The following NEK7 variants were observed in gnomAD, a reference collection of about 807,000 sequenced individuals.
The protein encoded by NEK7 is serine/threonine-protein kinase Nek7.
A neutral mutation model predicts 44.6 loss-of-function variants in NEK7; 18 were observed. The ratio of observed to expected loss-of-function variants is 0.40; its 90% CI spans 0.28 to 0.60. The LOEUF is 0.60. Ranked by LOEUF, NEK7 falls within the 20% of genes least tolerant of loss-of-function variation. The pLI, the probability that NEK7 is intolerant of heterozygous loss-of-function variation, is 0.38. For synonymous variants in NEK7, 130 were observed against 121.1 expected (o/e 1.07, Z -0.48); for missense variants, 256 against 366.5 (o/e 0.70, Z 2.46).
At chr1:198,205,121 A>G (rs1041516129) in intron 1 of NEK7, among the ~76,000 whole-genome samples, 4 of 152,030 alleles carry the variant, frequency 2.6e-5, no homozygotes, top group Non-Finnish European at 5.9e-5. Context: ...TTTTGTTTGG[A>G]TCCAATTTAT....
intron 1 of NEK7, among the ~76,000 whole-genome samples, chr1:198,215,088 T>C (rs558587658): frequency 5.3e-5 from 8 of 152,120 alleles, no homozygotes; most frequent in Non-Finnish European, 1.2e-4. Context: ...CTAGTTTTTA[T>C]AAATGAAGGA....
chr1:198,246,141 A>G lies in NEK7; in HGVS notation c.58-6899A>G, dbSNP rs139879191. Among the ~76,000 whole-genome samples the G allele has an allele frequency of 1.1e-4, 17 of 152,342 alleles. No individual in the cohort carries two copies. In the East Asian group the frequency reaches 3.3e-3, roughly 29 times the overall value. ...TATGGCATTGAAAACAATATACTAT[A>G]ATCGCTACCGAAGTATATAGATATA... On this transcript the variant is annotated intron_variant, in intron 2 of 9. Coordinates refer to ENST00000367385, the MANE Select transcript of NEK7 (RefSeq NM_133494.3).
intron 1 of NEK7, among the ~76,000 whole-genome samples, chr1:198,171,511 T>A (rs1664439234): frequency 6.6e-6 from 1 of 151,946 alleles, no homozygotes; most frequent in Non-Finnish European, 1.5e-5. Flanking sequence ...AAACCCCATC[T>A]CTACTAAAAA....
chr1:198,235,063 G>T (rs956415280), intron 2 of NEK7, among the ~76,000 whole-genome samples: 1 of 152,098 alleles, frequency 6.6e-6, no homozygotes, highest in Non-Finnish European at 1.5e-5. Flanking sequence ...GGATGATATG[G>T]CAACATCTGG....
intron 1 of NEK7, among the ~76,000 whole-genome samples, chr1:198,223,107 A>G (rs556009381): frequency 6.6e-6 from 1 of 151,590 alleles, no homozygotes; most frequent in South Asian, 2.1e-4. Context: ...GCAGGAGATT[A>G]CTTACAGAAT....
chr1:198,224,962 A>T (rs1234197861), intron 1 of NEK7, among the ~76,000 whole-genome samples: 1 of 152,096 alleles, frequency 6.6e-6, no homozygotes, highest in African/African-American at 2.4e-5. Flanking sequence ...GGACAGTTGG[A>T]TGTAGGCGTT....
intron 1 of NEK7, 49 bp from the exon 2 acceptor site, chr1:198,232,504 G>A (rs1666425980): frequency 1.2e-6 from 1 of 843,844 alleles, no homozygotes; most frequent in Non-Finnish European, 2.0e-6. Context: ...TGAATGATGT[G>A]AATTGGTAAT....
intron 1 of NEK7, among the ~76,000 whole-genome samples, chr1:198,213,515 C>G (rs926969638): frequency 6.6e-6 from 1 of 152,156 alleles, no homozygotes; most frequent in Admixed American, 6.5e-5. Flanking sequence ...TGGAACACTT[C>G]AGGGTTACTC....
chr1:198,211,869 A>C (rs771379809), intron 1 of NEK7, among the ~76,000 whole-genome samples: 1 of 152,216 alleles, frequency 6.6e-6, no homozygotes, highest in Non-Finnish European at 1.5e-5. Flanking sequence ...AGACCTTTTG[A>C]AAGACGCAGT....
chr1:198,232,607 A>G lies in NEK7; in HGVS notation c.27A>G (p.Gln9=), dbSNP rs1484430562. ...TGGATGAGCAATCACAAGGAATGCA[A>G]GGGCCACCTGTTCCTCAGTTCCAAC... MDEQSQGM[Q]GPPVPQFQPQ... is the part of the protein sequence containing the mutation. The change falls in exon 2 of 10, where the codon CAA becomes CAG. Residue 9 remains glutamine (Q), a synonymous_variant. Transcript: ENST00000367385. The G allele has an allele frequency of 6.2e-7, 1 of 1,606,936 alleles. No homozygotes were observed.
intron 2 of NEK7, among the ~76,000 whole-genome samples, chr1:198,235,040 G>A (rs1202798286): frequency 6.6e-6 from 1 of 152,096 alleles, no homozygotes; most frequent in Non-Finnish European, 1.5e-5. Context: ...CACACCACTG[G>A]CCTGAATAAT....
chr1:198,213,951 A>C (rs1665849527), intron 1 of NEK7, among the ~76,000 whole-genome samples: 1 of 152,170 alleles, frequency 6.6e-6, no homozygotes, highest in Non-Finnish European at 1.5e-5. Flanking sequence ...ATCACTGGGG[A>C]CTGAAATAGG....
chr1:198,159,976 T>G (rs1380136026), intron 1 of NEK7, among the ~76,000 whole-genome samples: 1 of 152,214 alleles, frequency 6.6e-6, no homozygotes, highest in Non-Finnish European at 1.5e-5. Flanking sequence ...GTTGATAGTT[T>G]TGGGCTCTGA....
At chr1:198,183,878 A>G (rs1664839282) in intron 1 of NEK7, among the ~76,000 whole-genome samples, 1 of 152,234 alleles carries the variant, frequency 6.6e-6, no homozygotes, top group South Asian at 2.1e-4. Flanking sequence ...AAGTGGTTCA[A>G]GAAACAGGTG....
At chr1:198,283,584 G>C (rs1654277392) in intron 7 of NEK7, among the ~76,000 whole-genome samples, 1 of 152,034 alleles carries the variant, frequency 6.6e-6, no homozygotes, top group African/African-American at 2.4e-5. Context: ...GGTGTGGCTA[G>C]GGAGACTAAT....
intron 1 of NEK7, among the ~76,000 whole-genome samples, chr1:198,219,682 G>T (rs570186213): frequency 6.6e-6 from 1 of 151,826 alleles, no homozygotes; most frequent in Non-Finnish European, 1.5e-5. Flanking sequence ...CATCATTATT[G>T]TATAAAATAA....
Position 198,157,003 on chromosome 1 carries a change from C to T in NEK7, c.-302C>T, listed in dbSNP as rs547632323. 4.9e-4 allele frequency: 75 copies of T among 152,300 alleles called. No individual in the cohort carries two copies. Among genetic ancestry groups the T allele is most frequent in the Admixed American group, 7.2e-4 (11 of 15,306 alleles). 9.4% of individuals were successfully genotyped at this position (152,300 alleles called of 1,614,324 possible). ...TCGGGGATGCCGGGATGTTTACACT[C>T]CTGACAGCGGCGGCAGCAGGAGGAG... is the stretch of plus-strand genomic sequence containing the variant. On this transcript the variant is annotated 5_prime_UTR_variant, in exon 1 of 10. Coordinates refer to ENST00000367385, the MANE Select transcript of NEK7 (RefSeq NM_133494.3).
At chr1:198,279,209 A>AGAAGAGG in intron 7 of NEK7, 148 bp downstream of exon 7, 1 of 506,690 alleles carries the variant, frequency 2.0e-6, no homozygotes, top group South Asian at 3.2e-5. Context: ...GCAACTCTCT[A>AGAAGAGG]TTAGGTATAA....
rs567012981 is a variant in NEK7 at position 198,286,050 on chromosome 1, A to G, written c.590-6895A>G. Among the ~76,000 whole-genome samples, 159 of 152,294 alleles carry G rather than the reference A, an allele frequency of 1.0e-3. 2 individuals are homozygous for G. Among genetic ancestry groups the G allele is most frequent in the Middle Eastern group, 3.4e-3 (1 of 294 alleles). ...TCCCTGGTGACTTTTCTCTGGATCA[A>G]TAAATCTGCAGTTATCCCTGCTGGA... On this transcript the variant is annotated intron_variant, in intron 7 of 9. Coordinates refer to ENST00000367385, the MANE Select transcript of NEK7 (RefSeq NM_133494.3).
Sources: gnomAD v4.1 joint callset for allele counts (sites outside exome capture counted in the v4.1 genomes callset) on GRCh38, gnomAD v4.1.1 for gene constraint, MANE v1.5 for transcripts, NCBI Gene and HGNC (gene_info 2026-07-23, HGNC 2026-07-21) for gene names.